PTPRD: variants seen among roughly 807,000 people sequenced by gnomAD.
The protein encoded by PTPRD is protein tyrosine phosphatase receptor type D, also known as receptor-type tyrosine-protein phosphatase delta.
A neutral mutation model predicts 214.5 loss-of-function variants in PTPRD; 34 were observed. The observed-to-expected ratio is 0.16, with a 90% CI of 0.12 to 0.21. The LOEUF (loss-of-function observed/expected upper bound fraction) is 0.21. PTPRD is among the 10% of genes least tolerant of loss of function. The probability of loss-of-function intolerance (pLI) is 1.00; values close to 1 mark genes in which losing one functional copy is unlikely to be tolerated. For synonymous variants in PTPRD, 1,128 were observed against 845.7 expected (o/e 1.33, Z -5.79); for missense variants, 2,545 against 2,398.7 (o/e 1.06, Z -1.27).
chr9:9,318,122 G>T (rs2135837516), intron 9 of PTPRD, among the ~76,000 whole-genome samples: 1 of 151,156 alleles, frequency 6.6e-6, no homozygotes, highest in East Asian at 2.0e-4. Flanking sequence ...AGTAAGCCGA[G>T]ATCGTGCCAT....
intron 3 of PTPRD, among the ~76,000 whole-genome samples, chr9:10,205,668 G>A (rs1180720260): frequency 6.6e-6 from 1 of 152,048 alleles, no homozygotes; most frequent in Admixed American, 6.6e-5. Flanking sequence ...TGGCCCCAAA[G>A]TGCTGGGATT....
intron 11 of PTPRD, among the ~76,000 whole-genome samples, chr9:8,744,593 G>A (rs2092567715): frequency 6.6e-6 from 1 of 152,198 alleles, no homozygotes; most frequent in African/African-American, 2.4e-5. Flanking sequence ...GAGGAGCTAA[G>A]CTATGAGGAT....
intron 7 of PTPRD, among the ~76,000 whole-genome samples, chr9:9,709,735 C>G (rs2097690843): frequency 6.6e-6 from 1 of 151,928 alleles, no homozygotes; most frequent in African/African-American, 2.4e-5. Flanking sequence ...TTTTATAGTA[C>G]TATTTGCTCT....
chr9:9,202,665 G>C (rs1396012323), intron 9 of PTPRD, among the ~76,000 whole-genome samples: 1 of 152,146 alleles, frequency 6.6e-6, no homozygotes, highest in Admixed American at 6.5e-5. Flanking sequence ...TGAATTAGCA[G>C]TATGAATGAC....
chr9:9,653,715 A>G (rs2096436235), intron 7 of PTPRD, among the ~76,000 whole-genome samples: 1 of 152,200 alleles, frequency 6.6e-6, no homozygotes, highest in South Asian at 2.1e-4. Flanking sequence ...CAATGGTAAA[A>G]ATTAGTGTTT....
intron 11 of PTPRD, among the ~76,000 whole-genome samples, chr9:8,934,228 C>T (rs754653046): frequency 6.7e-6 from 1 of 150,216 alleles, no homozygotes; most frequent in African/African-American, 2.4e-5. Context: ...TGATTTGGTA[C>T]CTAAACAATT....
chr9:8,957,574 C>A (rs1486778795), intron 11 of PTPRD, among the ~76,000 whole-genome samples: 2 of 151,864 alleles, frequency 1.3e-5, no homozygotes, highest in Non-Finnish European at 2.9e-5. Context: ...CGGCACCATA[C>A]AATTTGCATT....
intron 3 of PTPRD, among the ~76,000 whole-genome samples, chr9:10,144,063 T>C (rs886846267): frequency 6.6e-6 from 1 of 151,888 alleles, no homozygotes; most frequent in Non-Finnish European, 1.5e-5. Flanking sequence ...GTTGAAAAAA[T>C]GAATTAATAA....
intron 3 of PTPRD, among the ~76,000 whole-genome samples, chr9:10,209,171 G>C (rs1686488384): frequency 6.6e-6 from 1 of 152,112 alleles, no homozygotes. Flanking sequence ...AGACAGCACT[G>C]CTTTAAGTAT....
At chr9:9,047,974 A>G (rs1187807943) in intron 10 of PTPRD, among the ~76,000 whole-genome samples, 3 of 152,040 alleles carry the variant, frequency 2.0e-5, no homozygotes, top group Non-Finnish European at 4.4e-5. Context: ...TATTTGCCCA[A>G]TCAAAAATGG....
At chr9:9,259,152 G>A (rs2099979014) in intron 9 of PTPRD, among the ~76,000 whole-genome samples, 1 of 151,698 alleles carries the variant, frequency 6.6e-6, no homozygotes, top group Non-Finnish European at 1.5e-5. Flanking sequence ...TGAAGATCAG[G>A]GACATGAAAA....
chr9:9,871,097 C>G (rs1294306112), intron 5 of PTPRD, among the ~76,000 whole-genome samples: 4 of 152,074 alleles, frequency 2.6e-5, no homozygotes, highest in Non-Finnish European at 5.9e-5. Context: ...ACATTTTGTA[C>G]AGATACTAAT....
rs772550242 is a variant in PTPRD, at chr9:8,726,022, G to GAC, written c.64+7756_64+7757dup. Among the ~76,000 whole-genome samples the GAC allele has an allele frequency of 5.9e-3, 831 of 140,060 alleles. 3 individuals are homozygous for GAC. Among genetic ancestry groups the GAC allele is most frequent in the Admixed American group, 0.015 (207 of 13,910 alleles). 91.9% of individuals were successfully genotyped at this position (140,060 alleles called of 152,430 possible). On this transcript the variant is annotated intron_variant, in intron 12 of 45. Transcript: ENST00000381196. ...TTTCCACATAGCAGACAGACAGACA[G>GAC]ACAGACACACACACACACACACACA...
intron 4 of PTPRD, among the ~76,000 whole-genome samples, chr9:10,011,205 C>G (rs1237017757): frequency 1.3e-5 from 2 of 151,892 alleles, no homozygotes; most frequent in Non-Finnish European, 1.5e-5. Flanking sequence ...AGAACCTTGA[C>G]AGTGTTCCAA....
intron 10 of PTPRD, among the ~76,000 whole-genome samples, chr9:9,020,299 A>G (rs2099560613): frequency 1.3e-5 from 2 of 152,310 alleles, no homozygotes; most frequent in African/African-American, 4.8e-5. Context: ...TCAATAAATT[A>G]ATGAGAGTTG....
intron 11 of PTPRD, among the ~76,000 whole-genome samples, chr9:8,750,906 G>A (rs892499): frequency 0.058 from 8,755 of 152,196 alleles, 647 homozygotes; most frequent in African/African-American, 0.17. Flanking sequence ...TCCAGTGGCT[G>A]TGTGCCAATG....
At chr9:9,818,779 AGTG>A (rs2049655128) in intron 5 of PTPRD, among the ~76,000 whole-genome samples, 1 of 151,634 alleles carries the variant, frequency 6.6e-6, no homozygotes, top group Non-Finnish European at 1.5e-5. Flanking sequence ...AGCTGGGTGT[AGTG>A]GTGTGCGCCT....
At chr9:10,387,670 G>A (rs1245155460) in intron 2 of PTPRD, among the ~76,000 whole-genome samples, 1 of 151,560 alleles carries the variant, frequency 6.6e-6, no homozygotes, top group African/African-American at 2.4e-5. Context: ...TTCACTCTGA[G>A]AACTTGGTAC....
At chr9:9,103,626 A>AT (rs915080233) in intron 10 of PTPRD, among the ~76,000 whole-genome samples, 5 of 152,002 alleles carry the variant, frequency 3.3e-5, no homozygotes, top group African/African-American at 9.7e-5. Flanking sequence ...AAAAAAAAAA[A>AT]TCAAAGAGGT....
Sources: gnomAD v4.1 joint callset for allele counts (sites outside exome capture counted in the v4.1 genomes callset) on GRCh38, gnomAD v4.1.1 for gene constraint, MANE v1.5 for transcripts, NCBI Gene and HGNC (gene_info 2026-07-23, HGNC 2026-07-21) for gene names.